The following TOP3B variants were observed in gnomAD, a reference collection of about 807,000 sequenced individuals.
The protein encoded by TOP3B is DNA topoisomerase III beta, also known as DNA topoisomerase 3-beta-1.
TOP3B carries 45 observed loss-of-function variants against 93.9 expected under a neutral mutation model. The ratio of observed to expected loss-of-function variants is 0.48; its 90% CI spans 0.38 to 0.61. TOP3B has a LOEUF of 0.61. Among genes scored for constraint, TOP3B ranks in the 20% least tolerant of loss-of-function variants. TOP3B has a pLI of 0.00. For missense variants in TOP3B, 750 were observed against 1,156.1 expected, an observed-to-expected ratio of 0.65 and a Z score of 5.09; for synonymous variants, 357 against 472.6, an observed-to-expected ratio of 0.76 and a Z score of 3.17.
chr22:21,980,398 C>T (rs5756323), intron 1 of TOP3B, among the ~76,000 whole-genome samples: 65,235 of 152,006 alleles, frequency 0.43, 14,142 homozygotes, highest in Middle Eastern at 0.48. Context: ...AAGGAACTCC[C>T]TCACTAAAGG....
intron 6 of TOP3B, chr22:21,969,996 C>T: frequency 4.1e-6 from 2 of 486,132 alleles, no homozygotes; most frequent in East Asian, 3.1e-5. Context: ...TCTCAAACTG[C>T]CAACCTCAAG....
At chr22:21,976,233 G>C (rs2145878952) in intron 1 of TOP3B, 2 of 152,838 alleles carry the variant, frequency 1.3e-5, no homozygotes, top group Middle Eastern at 3.4e-3. Context: ...CTCCCGCTCA[G>C]CAAAGCACTT....
Position 21,971,652 on chromosome 22 carries a change from T to C in TOP3B, c.384+225A>G, listed in dbSNP as rs771933250. ...GCCCCTCCTATGTTCACTCATACCG[T>C]TGAGGCCTCAGCAAGCGGAGGAACA... is the stretch of plus-strand genomic sequence containing the variant. On this transcript the variant is annotated intron_variant, in intron 5 of 17. Coordinates refer to ENST00000357179, the MANE Select transcript of TOP3B (RefSeq NM_001282112.2). The surrounding 1 kb of genome is among the most constrained non-coding windows in gnomAD (Gnocchi z 4.6). 7 of 592,510 alleles carry C rather than the reference T, an allele frequency of 1.2e-5. No individual in the cohort carries two copies. Among genetic ancestry groups the C allele is most frequent in the Non-Finnish European group, 1.9e-5 (6 of 323,268 alleles). The allele number at this position is 592,510 out of a possible 1,614,324, so 36.7% of individuals were successfully genotyped here. A position where few individuals can be genotyped will look rare whatever the true frequency, so the allele number is the denominator to read the frequency against.
chr22:21,974,020 G>A (rs768947010), intron 3 of TOP3B: 10 of 175,912 alleles, frequency 5.7e-5, no homozygotes, highest in South Asian at 1.5e-4. Flanking sequence ...GACAGATGAC[G>A]GTCAACTTGG....
chr22:21,970,788 T>G lies in TOP3B; in HGVS notation c.385-382A>C. The G allele has an allele frequency of 2.4e-5, 7 of 286,722 alleles. No individual in the cohort carries two copies. The highest frequency in any genetic ancestry group is 4.8e-5 in the Non-Finnish European group (7 of 145,794). 17.8% of individuals were successfully genotyped at this position (286,722 alleles called of 1,614,324 possible). A position where few individuals can be genotyped will look rare whatever the true frequency, so the allele number is the denominator to read the frequency against. On this transcript the variant is annotated intron_variant, in intron 5 of 17. Coordinates refer to ENST00000357179, the MANE Select transcript of TOP3B (RefSeq NM_001282112.2). The surrounding 1 kb of genome is among the most constrained non-coding windows in gnomAD (Gnocchi z 4.4). Reference sequence around the variant, plus strand: ...CCCAAACCCATCCCATGTGACACGATTCCCTGCCTTCTAGGAGGGAGGGTT... The same window carrying G: ...CCCAAACCCATCCCATGTGACACGAGTCCCTGCCTTCTAGGAGGGAGGGTT...
rs565686024 is a variant in TOP3B at position 21,962,768 on chromosome 22, C to T, written c.1330G>A (p.Gly444Arg). The T allele has an allele frequency of 3.3e-5, 54 of 1,614,104 alleles. No individual in the cohort carries two copies. The highest frequency in any genetic ancestry group is 5.3e-5 in the African/African-American group (4 of 75,030). The change falls in exon 12 of 18, where the codon GGG becomes AGG. Residue 444 changes from glycine to arginine, a missense_variant. By Grantham distance (125) the Gly-to-Arg change is moderately radical. Transcript: ENST00000357179. ...RIGPELFTCSGKTVLSPGFTE... is the reference protein window; with the variant it reads ...RIGPELFTCSRKTVLSPGFTE... The stretch of plus-strand genomic sequence containing the variant: ...TGACCTGGTGAGAGGACGGTCTTCC[C>T]GGAGCAGGTGAAGAGCTCGGGCCCA...
chr22:21,981,272 C>T (rs756392221), intron 1 of TOP3B, among the ~76,000 whole-genome samples: 7 of 152,134 alleles, frequency 4.6e-5, no homozygotes, highest in African/African-American at 1.7e-4. Context: ...TTTTATTGGC[C>T]TAGACTGGGA....
At chr22:21,962,714 C>T (rs923883080) in intron 12 of TOP3B, 33 bp downstream of exon 12, 1 of 1,613,262 alleles carries the variant, frequency 6.2e-7, no homozygotes, top group Non-Finnish European at 8.5e-7. Flanking sequence ...CCCATGAAGG[C>T]ACAGAGGAGG....
chr22:21,980,531 G>T (rs1237462372), intron 1 of TOP3B, among the ~76,000 whole-genome samples: 1 of 152,174 alleles, frequency 6.6e-6, no homozygotes, highest in Non-Finnish European at 1.5e-5. Context: ...TGACCAGAAA[G>T]CTGTCCCAAA....
Position 21,974,388 on chromosome 22 carries a change from G to T in TOP3B, c.171C>A (p.Val57=), listed in dbSNP as rs561897803. 4 of 1,614,156 alleles carry T rather than the reference G, an allele frequency of 2.5e-6. No individual in the cohort carries two copies. The South Asian group carries it at 3.3e-5, about 13-fold the overall frequency. The change falls in exon 3 of 18, where the codon GTC becomes GTA. Residue 57 remains valine, a synonymous_variant. Transcript: ENST00000357179. ...GQPVRFKMTS[V]CGHVMTLDFL... is the part of the protein sequence containing the mutation. The stretch of plus-strand genomic sequence containing the variant: ...AATCCAGGGTCATCACGTGACCACA[G>T]ACAGACGTCATCTTGAAGCGCACTG...
At chr22:21,977,478 G>C (rs1233835212) in intron 1 of TOP3B, 1 of 141,954 alleles carries the variant, frequency 7.0e-6, no homozygotes, top group African/African-American at 2.7e-5. Context: ...GCAGTGAGCC[G>C]AGATCATGCT....
chr22:21,972,873 G>A (rs2071700515), intron 3 of TOP3B, 155 bp from the exon 4 acceptor site: 1 of 675,318 alleles, frequency 1.5e-6, no homozygotes, highest in Non-Finnish European at 2.6e-6. Flanking sequence ...GGCAGAGCCA[G>A]GATGTGGGTT....
chr22:21,979,724 G>A (rs2084576999), intron 1 of TOP3B, among the ~76,000 whole-genome samples: 1 of 151,940 alleles, frequency 6.6e-6, no homozygotes, highest in Non-Finnish European at 1.5e-5. Context: ...GGCAGATCAC[G>A]AGGTCAGGAG....
At chr22:21,965,626 G>A (rs2071386077) in intron 8 of TOP3B, 1 of 244,760 alleles carries the variant, frequency 4.1e-6, no homozygotes, top group Non-Finnish European at 7.8e-6. Flanking sequence ...CAGTACTTTG[G>A]GAGGCTGAGG....
At chr22:21,978,197 C>T (rs1311821852) in intron 1 of TOP3B, among the ~76,000 whole-genome samples, 4 of 151,112 alleles carry the variant, frequency 2.6e-5, no homozygotes, top group Non-Finnish European at 4.4e-5. Context: ...GTGGAGGATG[C>T]GAGGGAAGTC....
At chr22:21,979,773 CTACTAAAAA>C (rs368261265) in intron 1 of TOP3B, among the ~76,000 whole-genome samples, 156 of 151,540 alleles carry the variant, frequency 1.0e-3, no homozygotes, top group African/African-American at 3.6e-3. Flanking sequence ...AACCCCGTCT[CTACTAAAAA>C]TACTAAAAAT....
intron 4 of TOP3B, chr22:21,972,159 CA>C (rs533826116): frequency 0.021 from 9,078 of 428,236 alleles, no homozygotes; most frequent in South Asian, 0.033. Context: ...TTTTTTGGAC[CA>C]AAAAAAAAAG....
At chr22:21,960,045 C>T in intron 14 of TOP3B, 1 of 619,998 alleles carries the variant, frequency 1.6e-6, no homozygotes, top group Non-Finnish European at 2.8e-6. Flanking sequence ...TCCCCTTGGC[C>T]CCTGGGGAAC....
chr22:21,972,927 G>A (rs370903833), intron 3 of TOP3B: 20 of 562,438 alleles, frequency 3.6e-5, no homozygotes, highest in Admixed American at 8.8e-5. Context: ...CTTTCTGCTC[G>A]GCTGCTGAGC....
Sources: gnomAD v4.1 joint callset for allele counts (sites outside exome capture counted in the v4.1 genomes callset) on GRCh38, gnomAD v4.1.1 for gene constraint, Gnocchi (gnomAD v3.1) non-coding constraint, MANE v1.5 for transcripts, NCBI Gene and HGNC (gene_info 2026-07-23, HGNC 2026-07-21) for gene names.